ZFAT: variants seen among roughly 807,000 people sequenced by gnomAD.
The protein encoded by ZFAT is zinc finger protein ZFAT.
Under a neutral mutation model 117.7 loss-of-function variants are expected in ZFAT, and 64 were observed. The observed-to-expected ratio is 0.54, with a 90% confidence interval of 0.44 to 0.67. The LOEUF (loss-of-function observed/expected upper bound fraction) is 0.67, where lower values mean the gene tolerates loss of function less well. Among genes scored for constraint, ZFAT ranks in the 30% least tolerant of loss-of-function variants. The pLI, the probability that ZFAT is intolerant of heterozygous loss-of-function variation, is 0.00. For synonymous variants in ZFAT, 679 were observed against 615.0 expected, an observed-to-expected ratio of 1.10 and a Z score of -1.54; for missense variants, 1,433 against 1,584.5, an observed-to-expected ratio of 0.90 and a Z score of 1.62.
chr8:134,688,366 A>G (rs1193098537), intron 1 of ZFAT, among the ~76,000 whole-genome samples: 2 of 152,232 alleles, frequency 1.3e-5, no homozygotes, highest in Admixed American at 1.3e-4. Flanking sequence ...AAATGCACAT[A>G]CAGCACACAT....
At chr8:134,589,650 G>A (rs1441261341) in intron 8 of ZFAT, among the ~76,000 whole-genome samples, 1 of 152,200 alleles carries the variant, frequency 6.6e-6, no homozygotes, top group Non-Finnish European at 1.5e-5. Flanking sequence ...CCTGTGTGAC[G>A]TTAGCAGGGG....
At chr8:134,543,549 A>C (rs1410614244) in intron 11 of ZFAT, among the ~76,000 whole-genome samples, 1 of 152,264 alleles carries the variant, frequency 6.6e-6, no homozygotes, top group Non-Finnish European at 1.5e-5. Flanking sequence ...GGATCTTGCA[A>C]CTGTTGTATG....
the ZFAT span, among the ~76,000 whole-genome samples, chr8:134,727,029 A>G: frequency 6.6e-6 from 1 of 151,304 alleles, no homozygotes; most frequent in Admixed American, 6.6e-5. Flanking sequence ...CCTTGCAGAG[A>G]CCCTTTCCTG....
chr8:134,637,823 GA>G (rs1471445832), intron 2 of ZFAT, 111 bp from the exon 3 acceptor site: 11 of 1,437,990 alleles, frequency 7.6e-6, no homozygotes, highest in Non-Finnish European at 1.0e-5. Context: ...CATTAAAAAT[GA>G]AAAGTCTAAA....
rs1324983238 is a variant in ZFAT at position 134,691,145 on chromosome 8, G to A, written c.19+21700C>T. Among the ~76,000 whole-genome samples, 4 of 152,226 alleles carry A rather than the reference G, an allele frequency of 2.6e-5. No individual in the cohort carries two copies. In the East Asian group the frequency reaches 7.7e-4, roughly 29 times the overall value. On this transcript the variant is annotated intron_variant, in intron 1 of 15. Transcript: ENST00000377838. The stretch of plus-strand genomic sequence containing the variant: ...GCATCACTGTGGTCAGCTGCCACCT[G>A]TGTTTACATCACTGGGAGCCACAGA...
At position 134,602,297 on chromosome 8, in the gene ZFAT, G is replaced by A; in HGVS notation, c.1422C>T (p.Arg474=). 6.2e-7 allele frequency: 1 copy of A among 1,613,974 alleles called. No individual in the cohort carries two copies. Among genetic ancestry groups the A allele is most frequent in the Non-Finnish European group, 8.5e-7 (1 of 1,180,052 alleles). ...RKKFVSSIRL[R]THIKEVHGAA... is the part of the protein sequence containing the mutation. Reference sequence around the variant, plus strand: ...CCCCGTGCACCTCTTTGATGTGGGTGCGCAGCCTGATGGAGCTGACGAACT... The same window carrying A: ...CCCCGTGCACCTCTTTGATGTGGGTACGCAGCCTGATGGAGCTGACGAACT... The change falls in exon 6 of 16, where the codon CGC becomes CGT. Residue 474 remains arginine, a synonymous_variant. Coordinates refer to ENST00000377838, the MANE Select transcript of ZFAT (RefSeq NM_020863.4).
chr8:134,655,484 C>A (rs556141501), intron 2 of ZFAT, among the ~76,000 whole-genome samples: 36 of 152,018 alleles, frequency 2.4e-4, no homozygotes, highest in African/African-American at 8.4e-4. Context: ...CCTGTCTATA[C>A]AAAAAATACA....
intron 1 of ZFAT, among the ~76,000 whole-genome samples, chr8:134,675,802 G>GA (rs1449927666): frequency 6.6e-6 from 1 of 152,142 alleles, no homozygotes; most frequent in African/African-American, 2.4e-5. Flanking sequence ...CATTCTTGAA[G>GA]AAAAGAAATT....
At chr8:134,595,132 G>T (rs77367140) in intron 7 of ZFAT, among the ~76,000 whole-genome samples, 1 of 152,042 alleles carries the variant, frequency 6.6e-6, no homozygotes, top group South Asian at 2.1e-4. Context: ...GACCCACAGG[G>T]GTCACCCATC....
chr8:134,544,457 A>T lies in ZFAT; in HGVS notation c.2977-11485T>A, dbSNP rs191830856. ...AAAATCTGGTTGAAATTTTTTTTTA[A>T]AAAAATTAAATTTAAGAACTTTAAG... On this transcript the variant is annotated intron_variant, in intron 11 of 15. Coordinates refer to ENST00000377838, the MANE Select transcript of ZFAT (RefSeq NM_020863.4). Among the ~76,000 whole-genome samples, 1,064 of 151,476 alleles carry T rather than the reference A, an allele frequency of 7.0e-3. 12 individuals are homozygous for T. Among genetic ancestry groups the T allele is most frequent in the African/African-American group, 0.025 (1,028 of 40,988 alleles).
intron 1 of ZFAT, among the ~76,000 whole-genome samples, chr8:134,668,957 A>C (rs961507295): frequency 1.1e-4 from 16 of 152,372 alleles, no homozygotes; most frequent in Non-Finnish European, 2.1e-4. Context: ...TGACAAATGC[A>C]CAAGTTTCAG....
intron 1 of ZFAT, among the ~76,000 whole-genome samples, chr8:134,660,334 A>C (rs1831862862): frequency 6.6e-6 from 1 of 152,252 alleles, no homozygotes; most frequent in Non-Finnish European, 1.5e-5. Flanking sequence ...TATAGCTAAA[A>C]TACTTAAGAC....
Position 134,576,287 on chromosome 8 carries a change from GA to G in ZFAT, c.2887+7544del, listed in dbSNP as rs765173808. On this transcript the variant is annotated intron_variant, in intron 10 of 15. Transcript: ENST00000377838. The stretch of plus-strand genomic sequence containing the variant: ...GATCTTGTGGTTTATAAAAACCTGA[GA>G]AAAAGAGCTACATATGAACACCAAC... Among the ~76,000 whole-genome samples the G allele has an allele frequency of 9.1e-4, 138 of 152,288 alleles. 1 individual carries two copies. The highest frequency in any genetic ancestry group is 2.2e-4 in the Non-Finnish European group (15 of 68,020).
chr8:134,772,133 T>A, the ZFAT span, among the ~76,000 whole-genome samples: 5 of 152,168 alleles, frequency 3.3e-5, no homozygotes, highest in Non-Finnish European at 7.4e-5. Context: ...ACAACAATAT[T>A]GAAATTAAGC....
At chr8:134,573,537 G>C (rs748449199) in intron 10 of ZFAT, among the ~76,000 whole-genome samples, 9 of 152,184 alleles carry the variant, frequency 5.9e-5, no homozygotes, top group Admixed American at 3.9e-4. Context: ...TGCCAGGCTT[G>C]CTGGAGGTTT....
intron 2 of ZFAT, among the ~76,000 whole-genome samples, chr8:134,647,485 T>G (rs1035323456): frequency 6.6e-6 from 1 of 152,218 alleles, no homozygotes; most frequent in Non-Finnish European, 1.5e-5. Context: ...GGGTGCCTAC[T>G]CTCACCACTT....
chr8:134,687,340 C>T (rs897650070), intron 1 of ZFAT, among the ~76,000 whole-genome samples: 3 of 152,178 alleles, frequency 2.0e-5, no homozygotes, highest in Admixed American at 6.5e-5. Context: ...ATGAGAAATA[C>T]TCAGCATCAG....
chr8:134,608,226 T>C (rs914974450), intron 5 of ZFAT, among the ~76,000 whole-genome samples: 2 of 152,232 alleles, frequency 1.3e-5, no homozygotes, highest in African/African-American at 4.8e-5. Flanking sequence ...TGTTAGTATA[T>C]TTCAAAAAAC....
intron 10 of ZFAT, among the ~76,000 whole-genome samples, chr8:134,572,560 A>C (rs1824998898): frequency 6.6e-6 from 1 of 152,208 alleles, no homozygotes; most frequent in South Asian, 2.1e-4. Context: ...GCTCTTTCTG[A>C]CCAAGCATCT....
Sources: allele counts gnomAD v4.1 joint callset (sites outside exome capture counted in the v4.1 genomes callset), GRCh38; gene constraint gnomAD v4.1.1; transcripts MANE v1.5; gene names NCBI Gene and HGNC (gene_info 2026-07-23, HGNC 2026-07-21).